Variants in ROBO2 observed in about 807,000 individuals in gnomAD.
The protein encoded by ROBO2 is roundabout homolog 2.
ROBO2 carries 53 observed loss-of-function variants against 160.8 expected under a neutral mutation model. The ratio of observed to expected loss-of-function variants is 0.33; its 90% CI spans 0.26 to 0.41. The LOEUF is 0.41. Ranked by LOEUF, ROBO2 falls within the 10% of genes least tolerant of loss-of-function variation. The probability of loss-of-function intolerance (pLI) is 1.00; values close to 1 mark genes in which losing one functional copy is unlikely to be tolerated. For missense variants in ROBO2, 1,577 were observed against 1,722.4 expected (o/e 0.92, Z 1.49); for synonymous variants, 664 against 611.7 (o/e 1.09, Z -1.26).
At chr3:77,424,635 G>A (rs1447718334) in intron 2 of ROBO2, among the ~76,000 whole-genome samples, 1 of 152,104 alleles carries the variant, frequency 6.6e-6, no homozygotes, top group African/African-American at 2.4e-5. Flanking sequence ...TCCACAATTT[G>A]TAATGTAAAG....
intron 2 of ROBO2, among the ~76,000 whole-genome samples, chr3:76,289,821 G>A (rs1370799949): frequency 2.0e-5 from 3 of 152,068 alleles, no homozygotes; most frequent in Admixed American, 6.6e-5. Context: ...CTTTATGTCT[G>A]GGTTCTCTAA....
intron 2 of ROBO2, among the ~76,000 whole-genome samples, chr3:76,460,105 T>C (rs2078000933): frequency 6.6e-6 from 1 of 152,114 alleles, no homozygotes; most frequent in South Asian, 2.1e-4. Context: ...TATGCTTATT[T>C]GTTCTTGTGA....
chr3:77,094,062 A>G (rs143826316), intron 1 of ROBO2, among the ~76,000 whole-genome samples: 3 of 152,308 alleles, frequency 2.0e-5, no homozygotes, highest in East Asian at 1.9e-4. Flanking sequence ...GAGTAATGCA[A>G]CCATCACTGT....
intron 2 of ROBO2, among the ~76,000 whole-genome samples, chr3:76,905,056 T>C (rs564106939): frequency 3.3e-5 from 5 of 152,348 alleles, no homozygotes; most frequent in Admixed American, 6.5e-5. Flanking sequence ...TAAACATGAC[T>C]ATTACTGGAA....
At chr3:77,351,185 A>C (rs1183016439) in intron 2 of ROBO2, among the ~76,000 whole-genome samples, 1 of 152,110 alleles carries the variant, frequency 6.6e-6, no homozygotes. Context: ...TATTGTGACA[A>C]CCTCAAAATT....
chr3:77,138,154 A>T (rs963616087), intron 2 of ROBO2, among the ~76,000 whole-genome samples: 2 of 152,222 alleles, frequency 1.3e-5, no homozygotes, highest in African/African-American at 4.8e-5. Flanking sequence ...TGTCCTTACC[A>T]GCACTATAAG....
At chr3:76,948,487 A>G (rs1190932872) in intron 2 of ROBO2, among the ~76,000 whole-genome samples, 1 of 151,302 alleles carries the variant, frequency 6.6e-6, no homozygotes, top group African/African-American at 2.4e-5. Context: ...CATTGTCAGT[A>G]ATTCTTTCAA....
At chr3:77,044,230 G>C in intron 1 of ROBO2, among the ~76,000 whole-genome samples, 1 of 151,984 alleles carries the variant, frequency 6.6e-6, no homozygotes, top group East Asian at 1.9e-4. Flanking sequence ...TGAGCAGCTT[G>C]TATAAAATAG....
intron 2 of ROBO2, among the ~76,000 whole-genome samples, chr3:76,165,940 C>T (rs1377905184): frequency 6.6e-6 from 1 of 152,094 alleles, no homozygotes; most frequent in Non-Finnish European, 1.5e-5. Flanking sequence ...ATCAAGTTTG[C>T]TGTCTTATAG....
intron 2 of ROBO2, among the ~76,000 whole-genome samples, chr3:76,596,043 G>A (rs1029747698): frequency 6.6e-6 from 1 of 152,036 alleles, no homozygotes; most frequent in African/African-American, 2.4e-5. Context: ...GGCAATGAAT[G>A]TTTATTTCTT....
intron 2 of ROBO2, among the ~76,000 whole-genome samples, chr3:75,951,398 C>T (rs1206487104): frequency 6.6e-6 from 1 of 152,008 alleles, no homozygotes; most frequent in Non-Finnish European, 1.5e-5. Context: ...TCTTCTTCTC[C>T]CCTTCCTTCT....
chr3:76,217,308 A>G (rs1318758279), intron 2 of ROBO2, among the ~76,000 whole-genome samples: 1 of 152,218 alleles, frequency 6.6e-6, no homozygotes, highest in Non-Finnish European at 1.5e-5. Flanking sequence ...AGAAATAACT[A>G]AAATCAGAGC....
chr3:76,234,952 G>A (rs531442461), intron 2 of ROBO2, among the ~76,000 whole-genome samples: 2 of 150,732 alleles, frequency 1.3e-5, no homozygotes, highest in Non-Finnish European at 2.9e-5. Context: ...GATTTAGATG[G>A]TTTAGAAGAT....
chr3:77,459,894 G>C (rs2082061432), intron 2 of ROBO2, among the ~76,000 whole-genome samples: 1 of 150,754 alleles, frequency 6.6e-6, no homozygotes, highest in Admixed American at 6.6e-5. Context: ...GAACCTTGTA[G>C]GCCAGGATAA....
At chr3:76,880,241 A>T (rs2073196335) in intron 2 of ROBO2, among the ~76,000 whole-genome samples, 1 of 152,162 alleles carries the variant, frequency 6.6e-6, no homozygotes, top group Non-Finnish European at 1.5e-5. Flanking sequence ...CAAAACATCT[A>T]CTTTCATAAT....
At chr3:76,968,931 A>G (rs757447793) in intron 2 of ROBO2, among the ~76,000 whole-genome samples, 5 of 152,234 alleles carry the variant, frequency 3.3e-5, no homozygotes, top group African/African-American at 1.2e-4. Flanking sequence ...ATTTAGTGAC[A>G]GCTGCATAAC....
At chr3:77,385,765 C>T (rs749094757) in intron 2 of ROBO2, among the ~76,000 whole-genome samples, 1 of 152,150 alleles carries the variant, frequency 6.6e-6, no homozygotes, top group Non-Finnish European at 1.5e-5. Context: ...CACAGTAAGA[C>T]ATTGTATGTT....
chr3:77,439,626 C>G (rs541170893), intron 2 of ROBO2, among the ~76,000 whole-genome samples: 2 of 152,092 alleles, frequency 1.3e-5, no homozygotes, highest in Admixed American at 6.6e-5. Context: ...TGTATTAATG[C>G]ATTTCAAGAG....
intron 2 of ROBO2, among the ~76,000 whole-genome samples, chr3:77,118,606 G>A (rs1469193715): frequency 2.0e-5 from 3 of 152,066 alleles, no homozygotes; most frequent in East Asian, 3.9e-4. Context: ...TTTACTCTAC[G>A]CCATTGACTT....
Sources: gnomAD v4.1 joint callset for allele counts (sites outside exome capture counted in the v4.1 genomes callset) on GRCh38, gnomAD v4.1.1 for gene constraint, MANE v1.5 for transcripts, NCBI Gene and HGNC (gene_info 2026-07-23, HGNC 2026-07-21) for gene names.